The following KIF6 variants were observed in gnomAD, a reference collection of about 807,000 sequenced individuals.
KIF6 encodes the protein kinesin-like protein KIF6.
Under a neutral mutation model 112.7 loss-of-function variants are expected in KIF6, and 106 were observed. That is an observed-to-expected ratio of 0.94 (90% CI 0.80 to 1.11). The LOEUF is 1.11. Ranked by LOEUF, KIF6 falls within the 50% of genes least tolerant of loss-of-function variation. KIF6 has a pLI of 0.00. For synonymous variants in KIF6, 339 were observed against 339.9 expected (o/e 1.00, Z 0.03); for missense variants, 929 against 964.0 (o/e 0.96, Z 0.48).
chr6:39,357,610 G>A (rs1251128803), intron 18 of KIF6, among the ~76,000 whole-genome samples: 2 of 151,984 alleles, frequency 1.3e-5, no homozygotes, highest in African/African-American at 2.4e-5. Context: ...CATCATGCCC[G>A]GCAAATTTTT....
intron 22 of KIF6, among the ~76,000 whole-genome samples, chr6:39,341,873 TG>T (rs1443083122): frequency 6.6e-6 from 1 of 152,226 alleles, no homozygotes; most frequent in Non-Finnish European, 1.5e-5. Flanking sequence ...GGCACTTTCA[TG>T]GTAGCCTGGT....
intron 11 of KIF6, 99 bp downstream of exon 11, chr6:39,545,484 C>A: frequency 1.4e-6 from 1 of 725,764 alleles, no homozygotes; most frequent in South Asian, 1.7e-5. Context: ...ACATGCAATG[C>A]TGGATCCTAA....
At chr6:39,434,415 A>G (rs530875385) in intron 13 of KIF6, among the ~76,000 whole-genome samples, 1 of 151,868 alleles carries the variant, frequency 6.6e-6, no homozygotes, top group South Asian at 2.1e-4. Flanking sequence ...TACAAAAAAA[A>G]AAAAAATTAG....
intron 14 of KIF6, among the ~76,000 whole-genome samples, chr6:39,430,087 T>G (rs1298213411): frequency 3.9e-5 from 6 of 152,072 alleles, no homozygotes; most frequent in Non-Finnish European, 8.8e-5. Flanking sequence ...ACAGTCTGCT[T>G]CTTCTTGGAG....
At chr6:39,608,327 C>T (rs544806434) in intron 6 of KIF6, among the ~76,000 whole-genome samples, 17 of 152,266 alleles carry the variant, frequency 1.1e-4, no homozygotes, top group African/African-American at 4.1e-4. Context: ...GAACATCATA[C>T]CTTAGCCTAG....
At chr6:39,631,605 T>C (rs1236409601) in intron 5 of KIF6, among the ~76,000 whole-genome samples, 1 of 152,170 alleles carries the variant, frequency 6.6e-6, no homozygotes, top group East Asian at 1.9e-4. Context: ...TAATCTCACT[T>C]GGTCATGATA....
At chr6:39,478,189 A>AC (rs142366646) in intron 13 of KIF6, among the ~76,000 whole-genome samples, 9,420 of 151,644 alleles carry the variant, frequency 0.062, 501 homozygotes, top group East Asian at 0.25. Context: ...TTTATCTGTT[A>AC]CCCCCCTTTC....
intron 13 of KIF6, among the ~76,000 whole-genome samples, chr6:39,443,466 CAG>C (rs531219822): frequency 6.7e-4 from 102 of 152,106 alleles, no homozygotes; most frequent in South Asian, 1.3e-3. Flanking sequence ...TTATTTAAGA[CAG>C]AGTCTTGCTC....
intron 15 of KIF6, among the ~76,000 whole-genome samples, chr6:39,387,967 T>C (rs908125476): frequency 1.3e-5 from 2 of 152,178 alleles, no homozygotes; most frequent in Non-Finnish European, 2.9e-5. Context: ...CCTGCCTGTT[T>C]CCTGGGTATC....
intron 5 of KIF6, among the ~76,000 whole-genome samples, chr6:39,621,303 C>A (rs1239845862): frequency 6.6e-6 from 1 of 151,694 alleles, no homozygotes; most frequent in Non-Finnish European, 1.5e-5. Flanking sequence ...CATATTTTCT[C>A]CTTAGGGATG....
chr6:39,645,624 T>G (rs969620319), intron 3 of KIF6, among the ~76,000 whole-genome samples: 1 of 152,128 alleles, frequency 6.6e-6, no homozygotes, highest in African/African-American at 2.4e-5. Context: ...TCTCTTTTTT[T>G]GTTGTGTCTC....
Position 39,664,228 on chromosome 6 carries a change from A to G in KIF6, c.252-24471T>C, listed in dbSNP as rs1786323546. ...GCTTGGTGTTTCAGGGTGGGGTAGT[A>G]GCGATCCCAAAGAAGAAATAGAAGG... On this transcript the variant is annotated intron_variant, in intron 3 of 22. Coordinates refer to ENST00000287152, the MANE Select transcript of KIF6 (RefSeq NM_145027.6). 2.0e-5 allele frequency among the ~76,000 whole-genome samples: 3 copies of G among 152,146 alleles called. No individual in the cohort carries two copies. The South Asian group carries it at 6.2e-4, about 32-fold the overall frequency.
chr6:39,590,429 G>A (rs5000187), intron 7 of KIF6, among the ~76,000 whole-genome samples: 34,188 of 94,346 alleles, frequency 0.36, 5,489 homozygotes, highest in Middle Eastern at 0.42. Context: ...ATGTGTGTGT[G>A]TATATATATA....
At chr6:39,601,997 A>G (rs1223330812) in intron 6 of KIF6, among the ~76,000 whole-genome samples, 1 of 152,116 alleles carries the variant, frequency 6.6e-6, no homozygotes, top group Non-Finnish European at 1.5e-5. Flanking sequence ...TACTTTTATT[A>G]CCTTCAATTT....
chr6:39,452,364 C>T (rs1772759464), intron 13 of KIF6, among the ~76,000 whole-genome samples: 1 of 152,224 alleles, frequency 6.6e-6, no homozygotes, highest in Non-Finnish European at 1.5e-5. Context: ...TTAACTTTAG[C>T]TGGTATGGCT....
At chr6:39,643,399 C>T (rs1041603335) in intron 3 of KIF6, among the ~76,000 whole-genome samples, 3 of 152,208 alleles carry the variant, frequency 2.0e-5, no homozygotes, top group Non-Finnish European at 4.4e-5. Flanking sequence ...GTAGATGACT[C>T]ACACATCCCT....
chr6:39,714,758 CT>C lies in KIF6; in HGVS notation c.184del (p.Arg62GlufsTer111). ...TTGGTTTGCATCCTGATCAAAAATT[CT>C]TTGAAATCTGCAATGTGAAAAATAG... Reference protein sequence around the residue: ...KRESYKFKFQRIFDQDANQET... With the variant: ...KRESYKFKFQXIFDQDANQET... On this transcript the variant is annotated frameshift_variant, in exon 3 of 23. Transcript: ENST00000287152. LOFTEE classifies it high-confidence loss of function. The C allele has an allele frequency of 1.2e-6, 2 of 1,608,376 alleles. No individual in the cohort carries two copies. Among genetic ancestry groups the C allele is most frequent in the Non-Finnish European group, 1.7e-6 (2 of 1,174,986 alleles).
intron 9 of KIF6, among the ~76,000 whole-genome samples, chr6:39,579,879 T>C (rs1781192883): frequency 2.0e-5 from 3 of 152,092 alleles, no homozygotes; most frequent in South Asian, 4.1e-4. Context: ...TTTTACTATA[T>C]ATGGCAATAC....
chr6:39,385,703 G>T, intron 15 of KIF6, 31 bp from the exon 16 acceptor site: 2 of 1,556,650 alleles, frequency 1.3e-6, no homozygotes, highest in Non-Finnish European at 1.8e-6. Context: ...AACTACCAGT[G>T]GGTTTCCAAT....
Sources: gnomAD v4.1 joint callset for allele counts (sites outside exome capture counted in the v4.1 genomes callset) on GRCh38, gnomAD v4.1.1 for gene constraint, MANE v1.5 for transcripts, NCBI Gene and HGNC (gene_info 2026-07-23, HGNC 2026-07-21) for gene names.